GEN1: variants seen among roughly 807,000 people sequenced by gnomAD.
GEN1 encodes GEN1 structure-specific endonuclease.
Under a neutral mutation model 67.6 loss-of-function variants are expected in GEN1, and 64 were observed. The observed-to-expected ratio is 0.95, with a 90% confidence interval of 0.77 to 1.17. The LOEUF (loss-of-function observed/expected upper bound fraction) is 1.17, where lower values mean the gene tolerates loss of function less well. Ranked by LOEUF, GEN1 falls within the 50% of genes most tolerant of loss-of-function variation. The pLI is 0.00. For missense variants in GEN1, 1,058 were observed against 1,048.3 expected (o/e 1.01, Z -0.13); for synonymous variants, 371 against 359.4 (o/e 1.03, Z -0.37).
In GEN1 at chr2:17,766,676, A is replaced by T; in HGVS notation, c.623A>T (p.Asp208Val). 2 of 1,576,882 alleles carry T rather than the reference A, an allele frequency of 1.3e-6. No homozygotes were observed. The highest frequency in any genetic ancestry group is 1.7e-6 in the Non-Finnish European group (2 of 1,146,970). ...LVGLAILLGC[D>V]YLPKGVPGVG... ...GGATTAGCAATACTTCTTGGCTGTG[A>T]TTATCTCCCAAAGGTAAGCTGAAAT... The change falls in exon 5 of 14, where the codon GAT (aspartate) becomes GTT (valine). Residue 208 changes from aspartate (D) to valine (V), a missense_variant. Physicochemically the swap from Asp to Val is radical, Grantham distance 152 (BLOSUM62 -3). Coordinates refer to ENST00000381254, the MANE Select transcript of GEN1 (RefSeq NM_001130009.3).
At chr2:17,754,468 C>G (rs1025315821) in intron 1 of GEN1, 123 bp downstream of exon 1, 6 of 152,164 alleles carry the variant, frequency 3.9e-5, no homozygotes, top group Admixed American at 6.5e-5. Context: ...CAATGACTCC[C>G]TTTGAATAAA....
At chr2:17,777,731 T>C (rs1362301491) in intron 11 of GEN1, among the ~76,000 whole-genome samples, 1 of 152,128 alleles carries the variant, frequency 6.6e-6, no homozygotes, top group African/African-American at 2.4e-5. Flanking sequence ...CAAAGTAATA[T>C]AACAAATTTT....
chr2:17,776,373 A>C (rs1014345717), intron 11 of GEN1, among the ~76,000 whole-genome samples: 8 of 152,276 alleles, frequency 5.3e-5, no homozygotes, highest in African/African-American at 1.9e-4. Context: ...AATATGGTCT[A>C]TATTGTATCA....
In GEN1 at chr2:17,763,598, C is replaced by A. The variant is rs530106293; in HGVS notation, c.349-1299C>A. ...AATTAGTAGTCCTCCAATACCACCT[C>A]CACCCCACATGGTAGAGACATAGAG... On this transcript the variant is annotated intron_variant, in intron 3 of 13. Coordinates refer to ENST00000381254, the MANE Select transcript of GEN1 (RefSeq NM_001130009.3). Among the ~76,000 whole-genome samples the A allele has an allele frequency of 4.6e-5, 7 of 152,316 alleles. No homozygotes were observed. In the South Asian group the frequency reaches 1.2e-3, roughly 27 times the overall value.
rs1671850847 is a variant in GEN1 at position 17,764,886 on chromosome 2, T to C, written c.349-11T>C. The C allele has an allele frequency of 6.2e-7, 1 of 1,607,616 alleles. No individual in the cohort carries two copies. Among genetic ancestry groups the C allele is most frequent in the Non-Finnish European group, 8.5e-7 (1 of 1,177,658 alleles). ...ATTCTTTAACATCTTGCACCTGCTT[T>C]TTGTTTTCAGTGCCTCCATATGCTC... On this transcript the variant is annotated splice_polypyrimidine_tract_variant and intron_variant, in intron 3 of 13. Coordinates refer to ENST00000381254, the MANE Select transcript of GEN1 (RefSeq NM_001130009.3).
rs1203101421 is a variant in GEN1, at chr2:17,781,459, A to G, written c.2247A>G (p.Lys749=). The G allele has an allele frequency of 1.2e-6, 2 of 1,613,620 alleles. No homozygotes were observed. The highest frequency in any genetic ancestry group is 1.1e-5 in the South Asian group (1 of 91,076). The change falls in exon 14 of 14, where the codon AAA becomes AAG. Residue 749 remains lysine, a synonymous_variant. Coordinates refer to ENST00000381254, the MANE Select transcript of GEN1 (RefSeq NM_001130009.3). ...ACCAGCTGCTTCAAGAAGACTATAA[A>G]GTCAATACTTCTGTCCCTTATTCTG... The part of the protein sequence containing the change: ...KGDQLLQEDY[K]VNTSVPYSVS...
intron 3 of GEN1, 121 bp from the exon 4 acceptor site, chr2:17,764,776 G>T (rs1329295850): frequency 1.1e-6 from 1 of 873,538 alleles, no homozygotes; most frequent in Non-Finnish European, 1.6e-6. Flanking sequence ...CTTAAATATC[G>T]TAATTTTTAA....
chr2:17,780,166 A>G (rs939413289), intron 13 of GEN1, 45 bp downstream of exon 13: 1 of 1,499,824 alleles, frequency 6.7e-7, no homozygotes, highest in South Asian at 1.2e-5. Context: ...TGCAAATGTT[A>G]TAGAAGAGCC....
At chr2:17,768,180 G>A (rs1391944790) in intron 5 of GEN1, among the ~76,000 whole-genome samples, 1 of 152,194 alleles carries the variant, frequency 6.6e-6, no homozygotes, top group Non-Finnish European at 1.5e-5. Flanking sequence ...GGAAGACTCA[G>A]TTTAAATCAG....
rs1467656406 is a variant in GEN1, at chr2:17,785,009, A to G, written c.*3070A>G. ...TACCGCCTGAGCTCTGCCTCCTGTC[A>G]GATCAGCGGTGGCATTAGAGTCTCA... On this transcript the variant is annotated 3_prime_UTR_variant, in exon 14 of 14. Coordinates refer to ENST00000381254, the MANE Select transcript of GEN1 (RefSeq NM_001130009.3). 2 of 152,258 alleles carry G rather than the reference A, an allele frequency of 1.3e-5. No individual in the cohort carries two copies. The highest frequency in any genetic ancestry group is 6.5e-5 in the Admixed American group (1 of 15,276). The allele number at this position is 152,258 out of a possible 1,614,324, so 9.4% of individuals were successfully genotyped here. A position where few individuals can be genotyped will look rare whatever the true frequency, so the allele number is the denominator to read the frequency against.
chr2:17,772,590 A>C (rs750088839), intron 7 of GEN1, 44 bp from the exon 8 acceptor site: 1 of 1,547,616 alleles, frequency 6.5e-7, no homozygotes, highest in African/African-American at 1.4e-5. Flanking sequence ...GAAAGTAATT[A>C]TAAAAGGCAA....
intron 12 of GEN1, among the ~76,000 whole-genome samples, chr2:17,778,594 T>C (rs1672672389): frequency 1.3e-5 from 2 of 152,098 alleles, no homozygotes; most frequent in Non-Finnish European, 2.9e-5. Context: ...TAAACTTTGA[T>C]TTTATTTTAA....
chr2:17,777,018 T>G (rs1409349954), intron 11 of GEN1, among the ~76,000 whole-genome samples: 1 of 152,078 alleles, frequency 6.6e-6, no homozygotes, highest in African/African-American at 2.4e-5. Flanking sequence ...CCCATTTACT[T>G]GGGATGCTGA....
chr2:17,765,962 TA>T (rs1671911766), intron 4 of GEN1, among the ~76,000 whole-genome samples: 1 of 151,578 alleles, frequency 6.6e-6, no homozygotes, highest in Non-Finnish European at 1.5e-5. Context: ...TATATATATA[TA>T]TATGTTACAG....
intron 6 of GEN1, among the ~76,000 whole-genome samples, chr2:17,769,199 AAAATATACATAT>A (rs1230891151): frequency 6.6e-6 from 1 of 150,780 alleles, no homozygotes; most frequent in African/African-American, 2.4e-5. Context: ...TACTACATTT[AAAATATACATAT>A]TATTTATATT....
Position 17,786,214 on chromosome 2 carries a change from G to T in GEN1, c.*4275G>T, listed in dbSNP as rs1673055251. 6.6e-6 allele frequency: 1 copy of T among 152,216 alleles called. No individual in the cohort carries two copies. Among genetic ancestry groups the T allele is most frequent in the African/African-American group, 2.4e-5 (1 of 41,456 alleles). The allele number at this position is 152,216 out of a possible 1,614,324, so 9.4% of individuals were successfully genotyped here. A position where few individuals can be genotyped will look rare whatever the true frequency, so the allele number is the denominator to read the frequency against. On this transcript the variant is annotated 3_prime_UTR_variant, in exon 14 of 14. Transcript: ENST00000381254. Reference sequence around the variant, plus strand: ...ACACATTCTAGGGACTCAGTAAATTGTAGCTGTGTCCGATACCATCATTTG... The same window carrying T: ...ACACATTCTAGGGACTCAGTAAATTTTAGCTGTGTCCGATACCATCATTTG...
Position 17,781,435 on chromosome 2 carries a change from C to A in GEN1, c.2223C>A (p.Asp741Glu). Residue 741 changes from aspartate (D) to glutamate (E), a missense_variant, in exon 14 of 14, where the codon GAC becomes GAA. Coordinates refer to ENST00000381254, the MANE Select transcript of GEN1 (RefSeq NM_001130009.3). The stretch of plus-strand genomic sequence containing the variant: ...GAGACTCTAAAATTCTAAAAGGAGA[C>A]CAGCTGCTTCAAGAAGACTATAAAG... ...ESRDSKILKG[D>E]QLLQEDYKVN... 1 of 1,613,486 alleles carries A rather than the reference C, an allele frequency of 6.2e-7. No homozygotes were observed. Among genetic ancestry groups the A allele is most frequent in the Non-Finnish European group, 8.5e-7 (1 of 1,179,864 alleles).
chr2:17,761,653 C>T, intron 3 of GEN1, 71 bp downstream of exon 3: 4 of 1,013,198 alleles, frequency 3.9e-6, no homozygotes, highest in Non-Finnish European at 5.9e-6. Context: ...AATAGTTTGT[C>T]ATCTTTAATA....
rs1673024427 is a variant in GEN1 at position 17,785,411 on chromosome 2, G to A, written c.*3472G>A. 6.6e-6 allele frequency: 1 copy of A among 152,102 alleles called. No homozygotes were observed. Among genetic ancestry groups the A allele is most frequent in the South Asian group, 2.1e-4 (1 of 4,822 alleles). 9.4% of individuals were successfully genotyped at this position (152,102 alleles called of 1,614,324 possible). On this transcript the variant is annotated 3_prime_UTR_variant, in exon 14 of 14. Coordinates refer to ENST00000381254, the MANE Select transcript of GEN1 (RefSeq NM_001130009.3). ...TTACGTATTTGCTCATCACTTCATT[G>A]TCTTGTTGAGGATGCCTTGCTTCCC...
Sources: allele counts gnomAD v4.1 joint callset (sites outside exome capture counted in the v4.1 genomes callset), GRCh38; gene constraint gnomAD v4.1.1; transcripts MANE v1.5; gene names NCBI Gene and HGNC (gene_info 2026-07-23, HGNC 2026-07-21).